The following CACNA1S variants were observed in gnomAD, a reference collection of about 807,000 sequenced individuals.
CACNA1S encodes voltage-dependent L-type calcium channel subunit alpha-1S.
In CACNA1S, 126 loss-of-function variants were observed where a neutral mutation model predicts 207.4. The ratio of observed to expected loss-of-function variants is 0.61; its 90% CI spans 0.53 to 0.70. CACNA1S has a LOEUF of 0.70. Among genes scored for constraint, CACNA1S ranks in the 30% least tolerant of loss-of-function variants. The pLI is 0.00. For missense variants in CACNA1S, 2,349 were observed against 2,422.8 expected (o/e 0.97, Z 0.64); for synonymous variants, 960 against 932.7 (o/e 1.03, Z -0.53).
At chr1:201,078,215 G>A in intron 10 of CACNA1S, 111 bp from the exon 11 acceptor site, 9 of 866,208 alleles carry the variant, frequency 1.0e-5, no homozygotes, top group Non-Finnish European at 7.9e-6. Context: ...TGTTTCCAAG[G>A]CACCATGGAT....
Position 201,112,391 on chromosome 1 carries a change from C to T in CACNA1S, c.-52G>A. 2 of 1,612,354 alleles carry T rather than the reference C, an allele frequency of 1.2e-6. No individual in the cohort carries two copies. The highest frequency in any genetic ancestry group is 1.7e-6 in the Non-Finnish European group (2 of 1,179,884). On this transcript the variant is annotated 5_prime_UTR_variant, in exon 1 of 44. Transcript: ENST00000362061. The stretch of plus-strand genomic sequence containing the variant: ...CTGCTCCCCCACCCCAGTGCTTTCC[C>T]TTCCCTGTGTCCCCAATGCCCCCGC...
intron 40 of CACNA1S, chr1:201,041,868 C>A (rs1410483576): frequency 3.9e-6 from 2 of 507,828 alleles, no homozygotes; most frequent in East Asian, 7.3e-5. Context: ...CAGCTGCAGC[C>A]TCCCAGCCTT....
At chr1:201,041,718 C>T (rs1403620496) in intron 40 of CACNA1S, 129 bp from the exon 41 acceptor site, 2 of 738,394 alleles carry the variant, frequency 2.7e-6, no homozygotes, top group East Asian at 2.7e-5. Context: ...GCAGCCGTGA[C>T]TCTAGGGCTG....
chr1:201,060,903 C>G, intron 25 of CACNA1S, 87 bp from the exon 26 acceptor site: 1 of 1,532,344 alleles, frequency 6.5e-7, no homozygotes, highest in Non-Finnish European at 9.0e-7. Context: ...ACGGGCAAGT[C>G]AGGAGCAGCT....
At chr1:201,074,756 G>A (rs1183719012) in intron 13 of CACNA1S, 136 bp from the exon 14 acceptor site, 2 of 717,822 alleles carry the variant, frequency 2.8e-6, no homozygotes, top group African/African-American at 3.5e-5. Context: ...TGGATCCAGG[G>A]ACATAGTGGA....
chr1:201,048,204 G>A (rs1019857090), intron 36 of CACNA1S, among the ~76,000 whole-genome samples: 8 of 152,202 alleles, frequency 5.3e-5, no homozygotes, highest in Non-Finnish European at 1.2e-4. Context: ...AGTAGGTGAG[G>A]ACCTGCAGAT....
chr1:201,072,521 T>C (rs1661462685), intron 16 of CACNA1S, among the ~76,000 whole-genome samples: 1 of 152,168 alleles, frequency 6.6e-6, no homozygotes, highest in Non-Finnish European at 1.5e-5. Context: ...CAATAAATAC[T>C]TGCTGAGTTA....
chr1:201,078,662 C>A (rs1052985252), intron 10 of CACNA1S, among the ~76,000 whole-genome samples: 1 of 152,042 alleles, frequency 6.6e-6, no homozygotes, highest in Admixed American at 6.5e-5. Flanking sequence ...CATTCCTATA[C>A]ACCTCCCTCC....
rs112670481 is a variant in CACNA1S, at chr1:201,063,309, T to G, written c.2854-795A>C. 4.3e-3 allele frequency among the ~76,000 whole-genome samples: 655 copies of G among 151,862 alleles called. 3 individuals carry two copies. The highest frequency in any genetic ancestry group is 0.01 in the Middle Eastern group (3 of 292). On this transcript the variant is annotated intron_variant, in intron 22 of 43. Coordinates refer to ENST00000362061, the MANE Select transcript of CACNA1S (RefSeq NM_000069.3). ...TAGTGGATGGCTAGGTCTTTTTTTT[T>G]TTTGTTTGCTCACTCTGTCGCTTAG...
At chr1:201,092,894 C>T (rs1662290201) in intron 3 of CACNA1S, among the ~76,000 whole-genome samples, 1 of 152,216 alleles carries the variant, frequency 6.6e-6, no homozygotes, top group South Asian at 2.1e-4. Flanking sequence ...AGCATGCAGC[C>T]TCTGGAGCCG....
chr1:201,044,418 C>G lies in CACNA1S; in HGVS notation c.4707G>C (p.Glu1569Asp), dbSNP rs763779725. The change falls in exon 39 of 44, where the codon GAG (glutamate) becomes GAC (aspartate). Residue 1569 changes from glutamate (E) to aspartate (D), a missense_variant. Transcript: ENST00000362061. ...GGTCTCCTGAGACCGTGCGACAGAT[C>G]TCGGGGGCTGCCTCTTCCTCAATGG... is the stretch of plus-strand genomic sequence containing the variant. ...LRTIEEEAAP[E>D]ICRTVSGDLA... 2 of 1,613,522 alleles carry G rather than the reference C, an allele frequency of 1.2e-6. No individual in the cohort carries two copies. Among genetic ancestry groups the G allele is most frequent in the Non-Finnish European group, 1.7e-6 (2 of 1,179,966 alleles).
chr1:201,083,647 C>T (rs1028531763), intron 9 of CACNA1S, among the ~76,000 whole-genome samples: 1 of 152,114 alleles, frequency 6.6e-6, no homozygotes, highest in Non-Finnish European at 1.5e-5. Context: ...ACGTTTTGCC[C>T]CTTATCAAAG....
At chr1:201,051,242 CTG>C in intron 32 of CACNA1S, 99 bp from the exon 33 acceptor site, 1 of 1,174,944 alleles carries the variant, frequency 8.5e-7, no homozygotes, top group East Asian at 2.3e-5. Flanking sequence ...GATGAGCAAA[CTG>C]GGGCTGTTGT....
intron 39 of CACNA1S, among the ~76,000 whole-genome samples, chr1:201,043,925 C>G (rs1250364363): frequency 1.3e-5 from 2 of 151,976 alleles, no homozygotes; most frequent in African/African-American, 4.8e-5. Flanking sequence ...CCCAAAAAGA[C>G]CTAACTAGGT....
At chr1:201,056,498 C>A (rs1660851113) in intron 28 of CACNA1S, among the ~76,000 whole-genome samples, 1 of 152,232 alleles carries the variant, frequency 6.6e-6, no homozygotes, top group Non-Finnish European at 1.5e-5. Flanking sequence ...CATGGGTGAG[C>A]CCCTAGCTTT....
intron 40 of CACNA1S, among the ~76,000 whole-genome samples, chr1:201,042,703 C>A (rs1011488432): frequency 6.6e-6 from 1 of 152,214 alleles, no homozygotes; most frequent in African/African-American, 2.4e-5. Context: ...GGGGCTAAGC[C>A]TTTCCAGGCC....
chr1:201,075,407 G>A, intron 13 of CACNA1S, 88 bp downstream of exon 13: 3 of 1,561,576 alleles, frequency 1.9e-6, no homozygotes, highest in Admixed American at 1.7e-5. Context: ...TGGCTACCTA[G>A]AAACTGGACA....
rs926749104 is a variant in CACNA1S, at chr1:201,062,088, C to A, written c.2909G>T (p.Gly970Val). ...CCCGTCCTTGTACACGTAGTAGTAG[C>A]CCCTGTGGCAGGGAGGCCCAGTCAC... is the stretch of plus-strand genomic sequence containing the variant. ...LSKMTEEECRGYYYVYKDGDP... is the reference protein window; with the variant it reads ...LSKMTEEECRVYYYVYKDGDP... The change falls in exon 24 of 44, where the codon GGC (glycine) becomes GTC (valine). Residue 970 changes from glycine to valine, a missense_variant and splice_region_variant. Transcript: ENST00000362061. 6.2e-7 allele frequency: 1 copy of A among 1,613,604 alleles called. No homozygotes were observed. The highest frequency in any genetic ancestry group is 1.1e-5 in the South Asian group (1 of 90,928).
chr1:201,047,690 G>T, intron 36 of CACNA1S, 64 bp from the exon 37 acceptor site: 1 of 1,060,156 alleles, frequency 9.4e-7, no homozygotes, highest in Non-Finnish European at 1.5e-6. Context: ...AGGCCACCCA[G>T]TTCTTTCTGA....
Sources: gnomAD v4.1 joint callset for allele counts (sites outside exome capture counted in the v4.1 genomes callset) on GRCh38, gnomAD v4.1.1 for gene constraint, MANE v1.5 for transcripts, NCBI Gene and HGNC (gene_info 2026-07-23, HGNC 2026-07-21) for gene names.